NRXN1: variants seen among roughly 807,000 people sequenced by gnomAD.
NRXN1 encodes neurexin 1, also known as neurexin-1.
In NRXN1, 39 loss-of-function variants were observed where a neutral mutation model predicts 150.9. The ratio of observed to expected loss-of-function variants is 0.26; its 90% CI spans 0.20 to 0.34. The LOEUF (loss-of-function observed/expected upper bound fraction) is 0.34. NRXN1 is among the 10% of genes least tolerant of loss of function. NRXN1 has a pLI of 1.00. For synonymous variants in NRXN1, 924 were observed against 757.0 expected, an observed-to-expected ratio of 1.22 and a Z score of -3.62; for missense variants, 1,815 against 1,949.9, an observed-to-expected ratio of 0.93 and a Z score of 1.30.
At chr2:50,728,209 C>A (rs34985596) in intron 5 of NRXN1, among the ~76,000 whole-genome samples, 12,448 of 152,070 alleles carry the variant, frequency 0.082, 598 homozygotes, top group Middle Eastern at 0.13. Flanking sequence ...CTCATAATGT[C>A]CTTCTGCTAC....
chr2:50,416,392 G>A (rs542843933), intron 17 of NRXN1, among the ~76,000 whole-genome samples: 1 of 152,150 alleles, frequency 6.6e-6, no homozygotes, highest in East Asian at 1.9e-4. Context: ...CCTACCTTAA[G>A]CTTTGTGTTC....
In NRXN1 at chr2:50,420,164, A is replaced by G. The variant is rs2083864859; in HGVS notation, c.3364+45278T>C. Among the ~76,000 whole-genome samples the G allele has an allele frequency of 2.0e-5, 3 of 152,088 alleles. No homozygotes were observed. In the South Asian group the frequency reaches 6.2e-4, roughly 31 times the overall value. Reference sequence around the variant, plus strand: ...TTAACATGGAGAGGAGAGCAGAGGTATAAAAGGTATCCAAGAAAAGTAAAA... The same window carrying G: ...TTAACATGGAGAGGAGAGCAGAGGTGTAAAAGGTATCCAAGAAAAGTAAAA... On this transcript the variant is annotated intron_variant, in intron 17 of 22. Coordinates refer to ENST00000401669, the MANE Select transcript of NRXN1 (RefSeq NM_001330078.2).
chr2:49,972,659 T>C (rs1327139603), intron 21 of NRXN1: 5 of 152,170 alleles, frequency 3.3e-5, no homozygotes, highest in African/African-American at 1.2e-4. Context: ...ACACCACAAA[T>C]AGACAACACA....
intron 19 of NRXN1, among the ~76,000 whole-genome samples, chr2:50,058,858 C>T (rs529126320): frequency 1.3e-5 from 2 of 152,194 alleles, no homozygotes; most frequent in Non-Finnish European, 2.9e-5. Context: ...GCTCCTCCTT[C>T]ACCTTCTGCC....
intron 2 of NRXN1, among the ~76,000 whole-genome samples, chr2:50,934,125 A>T (rs1688174327): frequency 6.6e-6 from 1 of 152,130 alleles, no homozygotes; most frequent in Admixed American, 6.6e-5. Context: ...CAGTACCAGC[A>T]TGTGTGTATC....
Position 49,918,620 on chromosome 2 carries a change from T to C in NRXN1, c.*3324A>G, listed in dbSNP as rs1217959676. On this transcript the variant is annotated 3_prime_UTR_variant, in exon 23 of 23. Coordinates refer to ENST00000401669, the MANE Select transcript of NRXN1 (RefSeq NM_001330078.2). Reference sequence around the variant, plus strand: ...TTAATATTGTTTGCAACTAATACTGTATGAGTTTATGGTTTCTGGCATATC... The same window carrying C: ...TTAATATTGTTTGCAACTAATACTGCATGAGTTTATGGTTTCTGGCATATC... 6.6e-6 allele frequency: 1 copy of C among 152,102 alleles called. No individual in the cohort carries two copies. Among genetic ancestry groups the C allele is most frequent in the African/African-American group, 2.4e-5 (1 of 41,456 alleles). The allele number at this position is 152,102 out of a possible 1,614,324, so 9.4% of individuals were successfully genotyped here.
intron 17 of NRXN1, among the ~76,000 whole-genome samples, chr2:50,282,845 G>C (rs543730816): frequency 6.6e-6 from 1 of 152,178 alleles, no homozygotes; most frequent in African/African-American, 2.4e-5. Context: ...TGTGCTTTGA[G>C]TGTTGGCAAT....
chr2:49,948,637 C>T (rs1466985487), intron 21 of NRXN1, among the ~76,000 whole-genome samples: 1 of 151,904 alleles, frequency 6.6e-6, no homozygotes, highest in Admixed American at 6.6e-5. Context: ...ACTTTAGAAG[C>T]TGAATTAACT....
At chr2:50,610,540 C>T (rs1677868640) in intron 8 of NRXN1, among the ~76,000 whole-genome samples, 1 of 149,108 alleles carries the variant, frequency 6.7e-6, no homozygotes, top group Admixed American at 6.8e-5. Flanking sequence ...TAAATCTATA[C>T]TTATTTGCCC....
At chr2:50,913,052 C>G (rs529465591) in intron 5 of NRXN1, 71 of 151,952 alleles carry the variant, frequency 4.7e-4, no homozygotes, top group African/African-American at 1.6e-3. Context: ...AATCCAACCA[C>G]ACTGCTGAGA....
intron 5 of NRXN1, among the ~76,000 whole-genome samples, chr2:50,659,056 C>T (rs1260290807): frequency 6.6e-6 from 1 of 152,110 alleles, no homozygotes; most frequent in South Asian, 2.1e-4. Flanking sequence ...CAACTTCTGC[C>T]CTCTGGCCCT....
In NRXN1 at chr2:50,220,013, TTA is replaced by T. The variant is rs1412113603; in HGVS notation, c.3546+16774_3546+16775del. On this transcript the variant is annotated intron_variant, in intron 18 of 22. Coordinates refer to ENST00000401669, the MANE Select transcript of NRXN1 (RefSeq NM_001330078.2). Reference sequence around the variant, plus strand: ...TATATAATATATATTATATAATATATTATATATATATATAAAGAAAATATTCC... The same window carrying T: ...TATATAATATATATTATATAATATATTATATATATATAAAGAAAATATTCC... 5.4e-4 allele frequency among the ~76,000 whole-genome samples: 54 copies of T among 100,544 alleles called. No individual in the cohort carries two copies. The East Asian group carries it at 0.011, about 21-fold the overall frequency. The allele number at this position is 100,544 out of a possible 152,430, so 66.0% of individuals were successfully genotyped here.
chr2:50,398,692 G>C (rs1369727949), intron 17 of NRXN1, among the ~76,000 whole-genome samples: 1 of 152,020 alleles, frequency 6.6e-6, no homozygotes, highest in East Asian at 1.9e-4. Context: ...TAGACTAATG[G>C]GCACTGCCTT....
chr2:50,625,752 T>G (rs963750653), intron 5 of NRXN1, among the ~76,000 whole-genome samples: 1 of 152,088 alleles, frequency 6.6e-6, no homozygotes, highest in African/African-American at 2.4e-5. Flanking sequence ...TTTTGGTTTC[T>G]GAAAATGGTT....
At chr2:50,880,751 T>G (rs1679311806) in intron 5 of NRXN1, among the ~76,000 whole-genome samples, 1 of 151,946 alleles carries the variant, frequency 6.6e-6, no homozygotes, top group African/African-American at 2.4e-5. Context: ...GAACACCAAT[T>G]ATGGAACCCA....
intron 17 of NRXN1, among the ~76,000 whole-genome samples, chr2:50,383,265 T>C (rs1279633254): frequency 2.0e-5 from 3 of 152,092 alleles, no homozygotes; most frequent in Non-Finnish European, 4.4e-5. Context: ...TAGGAAATAC[T>C]CTAGAAGATA....
chr2:50,098,607 G>A (rs528571061), intron 18 of NRXN1, among the ~76,000 whole-genome samples: 169 of 152,248 alleles, frequency 1.1e-3, no homozygotes, highest in African/African-American at 4.0e-3. Context: ...GACCTGAAAG[G>A]TAAGTGCCAT....
In NRXN1 at chr2:50,221,677, T is replaced by G. The variant is rs544607793; in HGVS notation, c.3546+15112A>C. Among the ~76,000 whole-genome samples the G allele has an allele frequency of 2.6e-5, 4 of 152,122 alleles. No homozygotes were observed. In the South Asian group the frequency reaches 8.3e-4, roughly 32 times the overall value. On this transcript the variant is annotated intron_variant, in intron 18 of 22. Transcript: ENST00000401669. ...ATAGATGCAATAGGACTGAAGTAAT[T>G]AATCACATGTAGAATTTGAAAAACT...
chr2:50,856,384 G>A (rs913001189), intron 5 of NRXN1, among the ~76,000 whole-genome samples: 12 of 152,118 alleles, frequency 7.9e-5, no homozygotes, highest in Middle Eastern at 3.4e-3. Context: ...GCAGCTTGCA[G>A]CACTGTAAAT....
Sources: gnomAD v4.1 joint callset for allele counts (sites outside exome capture counted in the v4.1 genomes callset) on GRCh38, gnomAD v4.1.1 for gene constraint, MANE v1.5 for transcripts, NCBI Gene and HGNC (gene_info 2026-07-23, HGNC 2026-07-21) for gene names.